OXR1: variants seen among roughly 807,000 people sequenced by gnomAD.
OXR1 encodes the protein oxidation resistance 1.
A neutral mutation model predicts 104.6 loss-of-function variants in OXR1; 41 were observed. The observed-to-expected ratio is 0.39, with a 90% confidence interval of 0.31 to 0.51. OXR1 has a LOEUF of 0.51. OXR1 is among the 20% of genes least tolerant of loss of function. The probability of loss-of-function intolerance (pLI) is 0.77; values close to 1 mark genes in which losing one functional copy is unlikely to be tolerated. For synonymous variants in OXR1, 348 were observed against 348.4 expected (o/e 1.00, Z 0.01); for missense variants, 955 against 1,031.9 (o/e 0.93, Z 1.02).
chr8:106,337,121 TA>T (rs1443264309), intron 1 of OXR1, among the ~76,000 whole-genome samples: 1 of 152,226 alleles, frequency 6.6e-6, no homozygotes, highest in Admixed American at 6.5e-5. Flanking sequence ...AGATAATTCA[TA>T]AACTCACTGT....
chr8:106,650,103 A>C (rs780099137), intron 3 of OXR1, among the ~76,000 whole-genome samples: 1 of 152,234 alleles, frequency 6.6e-6, no homozygotes, highest in Non-Finnish European at 1.5e-5. Flanking sequence ...TAAAATTCAG[A>C]ATATAACACT....
intron 1 of OXR1, among the ~76,000 whole-genome samples, chr8:106,317,692 C>T (rs1056036294): frequency 6.6e-6 from 1 of 151,792 alleles, no homozygotes. Flanking sequence ...CTGTTTCTGG[C>T]AGCTTGAGGA....
At chr8:106,450,402 A>G (rs1820245324) in intron 2 of OXR1, among the ~76,000 whole-genome samples, 1 of 152,228 alleles carries the variant, frequency 6.6e-6, no homozygotes, top group Non-Finnish European at 1.5e-5. Flanking sequence ...GGAATTGGGT[A>G]CATTTAATAT....
intron 2 of OXR1, among the ~76,000 whole-genome samples, chr8:106,447,746 A>G (rs1187104064): frequency 2.0e-5 from 3 of 152,204 alleles, no homozygotes; most frequent in Admixed American, 6.5e-5. Flanking sequence ...TCTCACATAC[A>G]TATCTGAAGA....
chr8:106,547,777 A>G (rs1444637154), intron 3 of OXR1, among the ~76,000 whole-genome samples: 1 of 152,110 alleles, frequency 6.6e-6, no homozygotes, highest in Non-Finnish European at 1.5e-5. Context: ...TGCTGGGATT[A>G]CGGTTGTGAG....
At chr8:106,364,593 C>T (rs969928993) in intron 2 of OXR1, among the ~76,000 whole-genome samples, 15 of 135,246 alleles carry the variant, frequency 1.1e-4, no homozygotes, top group Non-Finnish European at 1.6e-4. Context: ...ACAACAACAA[C>T]AACAACAAAA....
chr8:106,718,482 C>T (rs1832482264), intron 11 of OXR1, among the ~76,000 whole-genome samples: 2 of 152,104 alleles, frequency 1.3e-5, no homozygotes, highest in Non-Finnish European at 2.9e-5. Flanking sequence ...TTACTGCTCA[C>T]GATGTGTAAA....
chr8:106,328,099 T>C (rs975297369), intron 1 of OXR1, among the ~76,000 whole-genome samples: 3 of 152,212 alleles, frequency 2.0e-5, no homozygotes, highest in African/African-American at 7.2e-5. Context: ...GAGTTTAGCA[T>C]CATTTTCAGG....
intron 6 of OXR1, among the ~76,000 whole-genome samples, chr8:106,692,018 CAT>C (rs550671132): frequency 4.7e-5 from 7 of 149,840 alleles, no homozygotes; most frequent in East Asian, 1.9e-4. Context: ...TATATATACA[CAT>C]ATATATATAA....
intron 2 of OXR1, among the ~76,000 whole-genome samples, chr8:106,509,797 A>T (rs1432903463): frequency 2.6e-5 from 4 of 152,184 alleles, no homozygotes; most frequent in Non-Finnish European, 5.9e-5. Context: ...CTTTAATCAG[A>T]GTCTCGCTCT....
intron 3 of OXR1, among the ~76,000 whole-genome samples, chr8:106,553,792 G>A (rs771910509): frequency 2.2e-4 from 33 of 152,038 alleles, no homozygotes; most frequent in South Asian, 2.1e-4. Flanking sequence ...AAGTAGCATC[G>A]CTTCCAGGAG....
intron 2 of OXR1, among the ~76,000 whole-genome samples, chr8:106,510,049 G>A (rs1279015475): frequency 6.6e-6 from 1 of 152,184 alleles, no homozygotes; most frequent in Admixed American, 6.5e-5. Flanking sequence ...TGGAATTACA[G>A]GAGTAAGCCA....
chr8:106,395,978 C>T (rs10087599), intron 2 of OXR1, among the ~76,000 whole-genome samples: 96,286 of 151,532 alleles, frequency 0.64, 30,771 homozygotes, highest in Middle Eastern at 0.67. Context: ...TTCCCAATGG[C>T]CAAGACTGGA....
At chr8:106,558,928 C>T (rs1407002003) in intron 3 of OXR1, among the ~76,000 whole-genome samples, 1 of 152,164 alleles carries the variant, frequency 6.6e-6, no homozygotes, top group Non-Finnish European at 1.5e-5. Flanking sequence ...AATAGGGCAA[C>T]AATTCTTAGG....
chr8:106,694,599 TATAA>T (rs1444776304), intron 7 of OXR1, among the ~76,000 whole-genome samples: 1 of 72,034 alleles, frequency 1.4e-5, no homozygotes, highest in Non-Finnish European at 2.6e-5. Context: ...ATATTTGATA[TATAA>T]ATATATGTTT....
chr8:106,467,254 T>C (rs1402890638), intron 2 of OXR1, among the ~76,000 whole-genome samples: 2 of 151,950 alleles, frequency 1.3e-5, no homozygotes, highest in Non-Finnish European at 2.9e-5. Flanking sequence ...ATTATTATCA[T>C]GTTCATGAAG....
intron 3 of OXR1, among the ~76,000 whole-genome samples, chr8:106,670,982 T>TTA (rs1826887693): frequency 7.1e-6 from 1 of 140,826 alleles, no homozygotes; most frequent in African/African-American, 2.8e-5. Flanking sequence ...CAGGCAGAGG[T>TTA]TATAGTGAGC....
At chr8:106,750,230 A>T (rs902525942) in intron 16 of OXR1, among the ~76,000 whole-genome samples, 2 of 151,568 alleles carry the variant, frequency 1.3e-5, no homozygotes, top group Non-Finnish European at 2.9e-5. Flanking sequence ...ACAGCGTAGT[A>T]CCTGTCTCAA....
At chr8:106,426,695 A>G (rs1175526007) in intron 2 of OXR1, among the ~76,000 whole-genome samples, 1 of 152,184 alleles carries the variant, frequency 6.6e-6, no homozygotes, top group Non-Finnish European at 1.5e-5. Flanking sequence ...TTTGTGCCTC[A>G]GTCTCTTTAT....
Sources: allele counts gnomAD v4.1 joint callset (sites outside exome capture counted in the v4.1 genomes callset), GRCh38; gene constraint gnomAD v4.1.1; transcripts MANE v1.5; gene names NCBI Gene and HGNC (gene_info 2026-07-23, HGNC 2026-07-21).